The following MYO1D variants were observed in gnomAD, a reference collection of about 807,000 sequenced individuals.
The protein encoded by MYO1D is unconventional myosin-Id.
A neutral mutation model predicts 122.0 loss-of-function variants in MYO1D; 83 were observed. The observed-to-expected ratio is 0.68, with a 90% CI of 0.57 to 0.82. MYO1D has a LOEUF of 0.82. MYO1D is among the 40% of genes least tolerant of loss of function. The pLI, the probability that MYO1D is intolerant of heterozygous loss-of-function variation, is 0.00. For synonymous variants in MYO1D, 464 were observed against 446.9 expected (o/e 1.04, Z -0.48); for missense variants, 1,157 against 1,269.5 (o/e 0.91, Z 1.35).
Position 32,778,537 on chromosome 17 carries a change from T to A in MYO1D, c.341A>T (p.Tyr114Phe). ...SGAGKTEASK[Y>F]IMQYIAAITN... ...GATGGCCGCAATATACTGCATAATG[T>A]ACTTACTGGCTTCCGTTTTACCAGC... The change falls in exon 3 of 22, where the codon TAC becomes TTC. Residue 114 changes from tyrosine to phenylalanine, a missense_variant. Physicochemically the swap from Tyr to Phe is conservative, Grantham distance 22 (BLOSUM62 3). Transcript: ENST00000318217. The A allele has an allele frequency of 6.2e-7, 1 of 1,614,090 alleles. No homozygotes were observed. Among genetic ancestry groups the A allele is most frequent in the Non-Finnish European group, 8.5e-7 (1 of 1,179,958 alleles).
intron 20 of MYO1D, among the ~76,000 whole-genome samples, chr17:32,629,652 A>G (rs560486968): frequency 6.6e-6 from 1 of 151,866 alleles, no homozygotes. Flanking sequence ...AATTGCTTGA[A>G]TCCGGGAGGC....
chr17:32,562,829 G>A (rs1230218822), intron 21 of MYO1D, among the ~76,000 whole-genome samples: 1 of 152,104 alleles, frequency 6.6e-6, no homozygotes, highest in Non-Finnish European at 1.5e-5. Context: ...TATTAGTAAT[G>A]TTATTTTTTC....
chr17:32,496,779 C>A (rs1909130944), intron 21 of MYO1D, among the ~76,000 whole-genome samples: 1 of 152,214 alleles, frequency 6.6e-6, no homozygotes, highest in Admixed American at 6.5e-5. Flanking sequence ...TGTGCCCTTC[C>A]CTGTGCAGGG....
intron 1 of MYO1D, among the ~76,000 whole-genome samples, chr17:32,817,739 C>T (rs531159226): frequency 4.6e-5 from 7 of 152,270 alleles, no homozygotes; most frequent in East Asian, 1.9e-4. Flanking sequence ...AAGTGGTTTA[C>T]GTGCATTATC....
intron 21 of MYO1D, among the ~76,000 whole-genome samples, chr17:32,551,739 T>C (rs2087016931): frequency 6.6e-6 from 1 of 152,188 alleles, no homozygotes; most frequent in South Asian, 2.1e-4. Context: ...TCATGACCCA[T>C]TATCCTTTCT....
chr17:32,593,435 A>G (rs2087458948), intron 21 of MYO1D, among the ~76,000 whole-genome samples: 1 of 152,114 alleles, frequency 6.6e-6, no homozygotes, highest in South Asian at 2.1e-4. Flanking sequence ...TTGGGCATAC[A>G]ATTGTTGCTC....
chr17:32,828,598 C>T (rs1241839876), intron 1 of MYO1D, among the ~76,000 whole-genome samples: 1 of 151,358 alleles, frequency 6.6e-6, no homozygotes, highest in Non-Finnish European at 1.5e-5. Flanking sequence ...TGAGCAGGCT[C>T]TGGCCAAGTA....
intron 1 of MYO1D, among the ~76,000 whole-genome samples, chr17:32,868,951 G>C (rs1241350998): frequency 6.6e-6 from 1 of 151,938 alleles, no homozygotes; most frequent in African/African-American, 2.4e-5. Context: ...GCTCATGCCT[G>C]TAATCTCAAA....
intron 15 of MYO1D, among the ~76,000 whole-genome samples, chr17:32,713,276 C>T (rs1171646381): frequency 1.3e-5 from 2 of 152,076 alleles, no homozygotes; most frequent in African/African-American, 4.8e-5. Context: ...GGCTGTCTAG[C>T]TGTTCCAACA....
rs77808709 is a variant in MYO1D, at chr17:32,688,669, C to T, written c.2121+23319G>A. ...TGTCGTGCTATGGCATCACAGGAGA[C>T]GTGGTTGGTTGGAGCCAGACTCTGG... On this transcript the variant is annotated intron_variant, in intron 16 of 21. Transcript: ENST00000318217. Among the ~76,000 whole-genome samples, 1,290 of 152,200 alleles carry T rather than the reference C, an allele frequency of 8.5e-3. 10 individuals carry two copies. Among genetic ancestry groups the T allele is most frequent in the Non-Finnish European group, 0.012 (843 of 68,018 alleles).
In MYO1D at chr17:32,864,007, C is replaced by CTTTTTTTTTTTTTTTTTTTTT. The variant is rs560953120; in HGVS notation, c.95+12750_95+12770dup. Among the ~76,000 whole-genome samples, 3 of 48,958 alleles carry CTTTTTTTTTTTTTTTTTTTTT rather than the reference C, an allele frequency of 6.1e-5. 1 individual carries two copies. Among genetic ancestry groups the CTTTTTTTTTTTTTTTTTTTTT allele is most frequent in the African/African-American group, 2.1e-4 (2 of 9,596 alleles). The allele number at this position is 48,958 out of a possible 152,430, so 32.1% of individuals were successfully genotyped here. A position where few individuals can be genotyped will look rare whatever the true frequency, so the allele number is the denominator to read the frequency against. On this transcript the variant is annotated intron_variant, in intron 1 of 21. Coordinates refer to ENST00000318217, the MANE Select transcript of MYO1D (RefSeq NM_015194.3). ...TAATTTTGGTTACAAACATTTCTTC[C>CTTTTTTTTTTTTTTTTTTTTT]TTTTTTTTTTTTTTTTTTTTTTTTT...
rs139734298 is a variant in MYO1D at position 32,613,356 on chromosome 17, G to T, written c.2710-8115C>A. Among the ~76,000 whole-genome samples the T allele has an allele frequency of 3.9e-4, 59 of 152,132 alleles. 1 individual carries two copies. In the East Asian group the frequency reaches 8.7e-3, roughly 22 times the overall value. On this transcript the variant is annotated intron_variant, in intron 20 of 21. Coordinates refer to ENST00000318217, the MANE Select transcript of MYO1D (RefSeq NM_015194.3). ...TCATACACAAAAACAAACACACCCA[G>T]AAATCAATGTAACGTACAAATACAG...
chr17:32,724,035 T>A (rs186704672), intron 14 of MYO1D, among the ~76,000 whole-genome samples: 1 of 152,154 alleles, frequency 6.6e-6, no homozygotes, highest in South Asian at 2.1e-4. Flanking sequence ...AAGTGGAGCA[T>A]CTATATTGGG....
intron 1 of MYO1D, among the ~76,000 whole-genome samples, chr17:32,844,668 T>A (rs2090918998): frequency 6.6e-6 from 1 of 151,910 alleles, no homozygotes; most frequent in African/African-American, 2.4e-5. Flanking sequence ...GAGGCTGCAG[T>A]GAGCTATGAT....
chr17:32,535,515 A>G lies in MYO1D; in HGVS notation c.2865-40600T>C, dbSNP rs573107086. Among the ~76,000 whole-genome samples the G allele has an allele frequency of 3.2e-4, 49 of 152,334 alleles. 1 individual carries two copies. In the South Asian group the frequency reaches 9.9e-3, roughly 31 times the overall value. ...ATAATCCCAGCACTTTGGGAGGCCA[A>G]GGTGGACGGATCACAAGGTCAGGAG... is the stretch of plus-strand genomic sequence containing the variant. On this transcript the variant is annotated intron_variant, in intron 21 of 21. Coordinates refer to ENST00000318217, the MANE Select transcript of MYO1D (RefSeq NM_015194.3).
rs370752255 is a variant in MYO1D at position 32,833,173 on chromosome 17, C to T, written c.95+43605G>A. Among the ~76,000 whole-genome samples, 186 of 152,274 alleles carry T rather than the reference C, an allele frequency of 1.2e-3. 2 individuals carry two copies. The highest frequency in any genetic ancestry group is 4.2e-3 in the African/African-American group (173 of 41,548). On this transcript the variant is annotated intron_variant, in intron 1 of 21. Coordinates refer to ENST00000318217, the MANE Select transcript of MYO1D (RefSeq NM_015194.3). ...TAACACTGAGCCCCTGATAGTGTCCCACACCTGCTCCTCCTGCTCGCTATA... is the reference window on the plus strand; with the variant it reads ...TAACACTGAGCCCCTGATAGTGTCCTACACCTGCTCCTCCTGCTCGCTATA...
chr17:32,548,394 C>T (rs2086982974), intron 21 of MYO1D, among the ~76,000 whole-genome samples: 2 of 150,678 alleles, frequency 1.3e-5, no homozygotes, highest in South Asian at 4.2e-4. Flanking sequence ...CGCCACTGCA[C>T]TCCAGCCTGG....
chr17:32,626,665 A>AG (rs1156767210), intron 20 of MYO1D, among the ~76,000 whole-genome samples: 1 of 152,176 alleles, frequency 6.6e-6, no homozygotes, highest in Non-Finnish European at 1.5e-5. Context: ...AAAAGAAAGC[A>AG]GTTTGCTTAG....
chr17:32,514,931 T>A (rs1456706259), intron 21 of MYO1D, among the ~76,000 whole-genome samples: 1 of 152,236 alleles, frequency 6.6e-6, no homozygotes, highest in East Asian at 1.9e-4. Flanking sequence ...GGTTCAAATC[T>A]AGCTGTCTGG....
Sources: allele counts gnomAD v4.1 joint callset (sites outside exome capture counted in the v4.1 genomes callset), GRCh38; gene constraint gnomAD v4.1.1; transcripts MANE v1.5; gene names NCBI Gene and HGNC (gene_info 2026-07-23, HGNC 2026-07-21).